The following COL11A1 variants were observed in gnomAD, a reference collection of about 807,000 sequenced individuals.
COL11A1 encodes collagen alpha-1(XI) chain.
Under a neutral mutation model 265.2 loss-of-function variants are expected in COL11A1, and 74 were observed. That is an observed-to-expected ratio of 0.28 (90% confidence interval 0.23 to 0.34). The LOEUF is 0.34. COL11A1 is among the 10% of genes least tolerant of loss of function. The pLI is 1.00. For missense variants in COL11A1, 2,165 were observed against 2,263.6 expected, an observed-to-expected ratio of 0.96 and a Z score of 0.88; for synonymous variants, 816 against 727.6, an observed-to-expected ratio of 1.12 and a Z score of -1.96.
At chr1:102,996,665 C>T (rs1392323075) in intron 26 of COL11A1, among the ~76,000 whole-genome samples, 3 of 151,752 alleles carry the variant, frequency 2.0e-5, no homozygotes, top group Non-Finnish European at 4.4e-5. Context: ...ATTGAATATG[C>T]ACATATTACA....
chr1:103,008,474 G>C lies in COL11A1; in HGVS notation c.1672C>G (p.Pro558Ala), dbSNP rs755359145. Reference protein sequence around the residue: ...SSGAKGESGDPGPQGPRGVQG... With the variant: ...SSGAKGESGDAGPQGPRGVQG... ...TTTTTATTTTTTACCTGAGGACCTG[G>C]ATCACCACTCTCACCTTTGGCCCCA... The change falls in exon 15 of 67, where the codon CCA becomes GCA. Residue 558 changes from proline (P) to alanine (A), a missense_variant. Transcript: ENST00000370096. 3 of 1,613,668 alleles carry C rather than the reference G, an allele frequency of 1.9e-6. No homozygotes were observed. In the East Asian group the frequency reaches 6.7e-5, roughly 36 times the overall value.
chr1:102,967,237 T>TTTTA (rs1661499298), intron 37 of COL11A1, among the ~76,000 whole-genome samples: 3 of 97,438 alleles, frequency 3.1e-5, no homozygotes, highest in Non-Finnish European at 6.3e-5. Flanking sequence ...CTTTTTTTTT[T>TTTTA]TTTTTTTTTT....
chr1:103,018,265 G>A (rs973775509), intron 10 of COL11A1, among the ~76,000 whole-genome samples: 11 of 152,102 alleles, frequency 7.2e-5, no homozygotes, highest in Admixed American at 5.2e-4. Flanking sequence ...TTCCTTTTAT[G>A]GGTAAACATA....
intron 1 of COL11A1, among the ~76,000 whole-genome samples, chr1:103,099,584 T>C (rs1674071614): frequency 6.6e-6 from 1 of 151,564 alleles, no homozygotes; most frequent in Non-Finnish European, 1.5e-5. Context: ...ATAATGAATA[T>C]ATGAGAGGAC....
At chr1:102,885,864 T>C (rs1020919519) in intron 63 of COL11A1, among the ~76,000 whole-genome samples, 5 of 152,172 alleles carry the variant, frequency 3.3e-5, no homozygotes, top group African/African-American at 1.2e-4. Flanking sequence ...TACCAGTTTG[T>C]ATAGGAACGC....
intron 64 of COL11A1, among the ~76,000 whole-genome samples, chr1:102,882,423 C>T (rs1015029475): frequency 6.6e-6 from 1 of 152,094 alleles, no homozygotes; most frequent in Non-Finnish European, 1.5e-5. Context: ...TCATTACATG[C>T]CAAGTAGTGT....
chr1:102,962,004 A>T (rs1660957281), intron 40 of COL11A1, 85 bp from the exon 41 acceptor site: 2 of 1,241,752 alleles, frequency 1.6e-6, no homozygotes, highest in Admixed American at 1.9e-5. Flanking sequence ...TAAAATAAGG[A>T]TGTCAGGTAA....
chr1:103,078,504 C>A (rs1473245802), intron 3 of COL11A1, among the ~76,000 whole-genome samples, 154 bp downstream of exon 3: 1 of 152,058 alleles, frequency 6.6e-6, no homozygotes. Context: ...TTTCCCTGTA[C>A]ACACTATAAA....
At chr1:102,888,534 G>C in intron 62 of COL11A1, 43 bp downstream of exon 62, 3 of 1,567,232 alleles carry the variant, frequency 1.9e-6, no homozygotes, top group Middle Eastern at 1.7e-4. Context: ...GCAGCTTCCA[G>C]ATGCAAACTG....
Position 103,078,780 on chromosome 1 carries a change from A to T in COL11A1, c.366T>A (p.His122Gln). ...QSFLLSIYNE[H>Q]GIQQIGVEVG... is the part of the protein sequence containing the mutation. ...CCTCAACACCAATTTGCTGAATACC[A>T]TGCTCATTATATATAGATAAAAGGA... Residue 122 changes from histidine to glutamine, a missense_variant, in exon 3 of 67, where the codon CAT becomes CAA. Coordinates refer to ENST00000370096, the MANE Select transcript of COL11A1 (RefSeq NM_001854.4). 6.2e-7 allele frequency: 1 copy of T among 1,612,816 alleles called. No individual in the cohort carries two copies. Among genetic ancestry groups the T allele is most frequent in the South Asian group, 1.1e-5 (1 of 91,062 alleles).
At chr1:102,894,110 T>G (rs772408406) in intron 57 of COL11A1, among the ~76,000 whole-genome samples, 6 of 152,166 alleles carry the variant, frequency 3.9e-5, no homozygotes, top group Non-Finnish European at 7.4e-5. Flanking sequence ...AATAAAACCT[T>G]AAAGCTAAGA....
At chr1:103,041,377 CT>C (rs34170590) in intron 4 of COL11A1, among the ~76,000 whole-genome samples, 77 of 150,274 alleles carry the variant, frequency 5.1e-4, no homozygotes, top group East Asian at 4.5e-3. Flanking sequence ...TAGCATCATC[CT>C]TTTTTTTTGG....
intron 4 of COL11A1, among the ~76,000 whole-genome samples, chr1:103,046,530 A>G (rs1220195339): frequency 1.2e-4 from 18 of 151,546 alleles, no homozygotes; most frequent in Admixed American, 2.6e-4. Context: ...AATAGGTTGC[A>G]AAAATTTTCT....
chr1:102,934,235 A>T (rs1162156767), intron 46 of COL11A1, among the ~76,000 whole-genome samples: 2 of 152,222 alleles, frequency 1.3e-5, no homozygotes, highest in Non-Finnish European at 2.9e-5. Context: ...ATCAGGAGCG[A>T]GGGCTGATAC....
intron 4 of COL11A1, among the ~76,000 whole-genome samples, chr1:103,033,422 G>A (rs1668133978): frequency 6.6e-6 from 1 of 151,774 alleles, no homozygotes; most frequent in Non-Finnish European, 1.5e-5. Flanking sequence ...GTTACTCTTA[G>A]AATTATTATT....
intron 44 of COL11A1, 64 bp from the exon 45 acceptor site, chr1:102,935,177 C>G: frequency 1.5e-6 from 2 of 1,363,276 alleles, no homozygotes; most frequent in Non-Finnish European, 2.1e-6. Flanking sequence ...CCATATGAAA[C>G]AGAACATTTA....
chr1:102,971,070 A>T (rs1208977208), intron 36 of COL11A1, among the ~76,000 whole-genome samples: 1 of 152,142 alleles, frequency 6.6e-6, no homozygotes, highest in Non-Finnish European at 1.5e-5. Flanking sequence ...CTCATAAAAA[A>T]TGGCATTTTA....
chr1:103,038,466 T>C (rs1668548025), intron 4 of COL11A1, among the ~76,000 whole-genome samples: 1 of 151,942 alleles, frequency 6.6e-6, no homozygotes, highest in South Asian at 2.1e-4. Flanking sequence ...CGAGACTCTT[T>C]CTCCAAAAAG....
At chr1:102,962,075 T>A (rs1660962791) in intron 40 of COL11A1, 101 bp downstream of exon 40, 3 of 1,103,204 alleles carry the variant, frequency 2.7e-6, no homozygotes, top group Non-Finnish European at 4.1e-6. Context: ...TATATATGTT[T>A]ATATATCTTC....
Sources: allele counts gnomAD v4.1 joint callset (sites outside exome capture counted in the v4.1 genomes callset), GRCh38; gene constraint gnomAD v4.1.1; transcripts MANE v1.5; gene names NCBI Gene and HGNC (gene_info 2026-07-23, HGNC 2026-07-21).